Variants in WDR89 observed in about 807,000 individuals in gnomAD.
WDR89 encodes WD repeat domain 89.
WDR89 carries 17 observed loss-of-function variants against 29.1 expected under a neutral mutation model. The observed-to-expected ratio is 0.58, with a 90% CI of 0.40 to 0.88. WDR89 has a LOEUF of 0.88. Among genes scored for constraint, WDR89 ranks in the 40% least tolerant of loss-of-function variants. The pLI is 0.00. For synonymous variants in WDR89, 138 were observed against 157.8 expected (o/e 0.87, Z 0.94); for missense variants, 396 against 456.3 (o/e 0.87, Z 1.20).
chr14:63,621,474 T>C (rs1195109119), intron 2 of WDR89, among the ~76,000 whole-genome samples: 1 of 152,082 alleles, frequency 6.6e-6, no homozygotes, highest in African/African-American at 2.4e-5. Context: ...GGCAGGCACC[T>C]GTAATCCCAG....
chr14:63,609,514 C>CGTG (rs1881813488), intron 2 of WDR89, among the ~76,000 whole-genome samples: 1 of 152,078 alleles, frequency 6.6e-6, no homozygotes, highest in South Asian at 2.1e-4. Flanking sequence ...TATGGCCGGG[C>CGTG]GTGGTAGTTC....
chr14:63,627,659 C>A (rs931497399), intron 1 of WDR89, among the ~76,000 whole-genome samples: 1 of 152,164 alleles, frequency 6.6e-6, no homozygotes, highest in Non-Finnish European at 1.5e-5. Context: ...TGGTTAGAAT[C>A]ATAAAGCAAG....
At chr14:63,608,697 C>CACACACACAA (rs1461572018) in intron 2 of WDR89, among the ~76,000 whole-genome samples, 4 of 151,696 alleles carry the variant, frequency 2.6e-5, no homozygotes, top group African/African-American at 9.7e-5. Context: ...CACACACACA[C>CACACACACAA]AAATAGGTTT....
At chr14:63,634,500 C>T (rs371857171) in intron 1 of WDR89, among the ~76,000 whole-genome samples, 43 of 147,578 alleles carry the variant, frequency 2.9e-4, no homozygotes, top group African/African-American at 9.4e-4. Context: ...CCAGCCTGGG[C>T]GACAGAGCGA....
intron 1 of WDR89, among the ~76,000 whole-genome samples, chr14:63,632,300 T>C (rs764946945): frequency 6.6e-6 from 1 of 151,616 alleles, no homozygotes; most frequent in Non-Finnish European, 1.5e-5. Flanking sequence ...AGTACGGGAT[T>C]CTGTTATCAG....
intron 2 of WDR89, among the ~76,000 whole-genome samples, chr14:63,608,167 T>C (rs1464259433): frequency 2.6e-5 from 4 of 152,080 alleles, no homozygotes; most frequent in Admixed American, 6.6e-5. Context: ...GATTGTACCG[T>C]TGAACTCCAG....
intron 2 of WDR89, among the ~76,000 whole-genome samples, chr14:63,619,465 G>T (rs572450389): frequency 3.9e-5 from 6 of 152,020 alleles, no homozygotes; most frequent in Non-Finnish European, 7.4e-5. Flanking sequence ...AAGTTATCAA[G>T]AAATGAGGCA....
At chr14:63,630,395 C>A (rs1883318778) in intron 1 of WDR89, among the ~76,000 whole-genome samples, 1 of 151,104 alleles carries the variant, frequency 6.6e-6, no homozygotes, top group South Asian at 2.1e-4. Flanking sequence ...GTAATCACAG[C>A]ACTTTGGGAG....
Position 63,598,531 on chromosome 14 carries a change from C to T in WDR89, c.*248G>A. On this transcript the variant is annotated 3_prime_UTR_variant, in exon 3 of 3. Coordinates refer to ENST00000620954, the MANE Select transcript of WDR89 (RefSeq NM_080666.4). ...GCTATTTCTTTAAAGCCAACATTTA[C>T]TACATTAACAGATGGGTTCTTTAAA... 6.6e-6 allele frequency: 2 copies of T among 305,160 alleles called. No homozygotes were observed. Among genetic ancestry groups the T allele is most frequent in the Middle Eastern group, 9.5e-4 (1 of 1,050 alleles). The allele number at this position is 305,160 out of a possible 1,614,324, so 18.9% of individuals were successfully genotyped here.
At chr14:63,606,142 C>T (rs1161015948) in intron 2 of WDR89, among the ~76,000 whole-genome samples, 1 of 151,976 alleles carries the variant, frequency 6.6e-6, no homozygotes, top group African/African-American at 2.4e-5. Context: ...GAGACAGGGT[C>T]TCACTATTTT....
In WDR89 at chr14:63,616,719, G is replaced by A. The variant is rs1385407038; in HGVS notation, c.-32+8209C>T. On this transcript the variant is annotated intron_variant, in intron 2 of 2. Coordinates refer to ENST00000620954, the MANE Select transcript of WDR89 (RefSeq NM_080666.4). Reference sequence around the variant, plus strand: ...CTGGAGCCAGAGGAGAGCTCCATCGGTCATGGTAAGAACTTTGAATTTTAT... The same window carrying A: ...CTGGAGCCAGAGGAGAGCTCCATCGATCATGGTAAGAACTTTGAATTTTAT... Among the ~76,000 whole-genome samples, 4 of 152,340 alleles carry A rather than the reference G, an allele frequency of 2.6e-5. No individual in the cohort carries two copies. In the East Asian group the frequency reaches 7.7e-4, roughly 29 times the overall value.
chr14:63,612,771 C>T (rs899802431), intron 2 of WDR89, among the ~76,000 whole-genome samples: 2 of 152,194 alleles, frequency 1.3e-5, no homozygotes, highest in African/African-American at 4.8e-5. Context: ...AAAAATCTCT[C>T]GAAAGTAGTA....
chr14:63,629,826 T>C (rs10083535), intron 1 of WDR89, among the ~76,000 whole-genome samples: 1 of 152,136 alleles, frequency 6.6e-6, no homozygotes, highest in African/African-American at 2.4e-5. Context: ...ACATTCAGTG[T>C]GTTACAGGGA....
intron 1 of WDR89, among the ~76,000 whole-genome samples, chr14:63,639,701 A>C (rs79737222): frequency 0.047 from 7,172 of 152,272 alleles, 581 homozygotes; most frequent in African/African-American, 0.16. Flanking sequence ...AAATCACTGA[A>C]AATGTAGTTC....
At chr14:63,612,474 C>G (rs1163747240) in intron 2 of WDR89, among the ~76,000 whole-genome samples, 1 of 151,954 alleles carries the variant, frequency 6.6e-6, no homozygotes, top group African/African-American at 2.4e-5. Context: ...CTCCCGGGTT[C>G]AAGCGATTAT....
At chr14:63,627,158 TC>T (rs1883125116) in intron 1 of WDR89, among the ~76,000 whole-genome samples, 1 of 137,180 alleles carries the variant, frequency 7.3e-6, no homozygotes, top group Admixed American at 7.1e-5. Flanking sequence ...ACACTCTCTC[TC>T]TCTCTCTCTC....
chr14:63,602,836 T>C (rs1278810191), intron 2 of WDR89, among the ~76,000 whole-genome samples: 1 of 151,786 alleles, frequency 6.6e-6, no homozygotes, highest in Admixed American at 6.6e-5. Context: ...AGAATTTGGA[T>C]CTATCAGAGA....
intron 1 of WDR89, among the ~76,000 whole-genome samples, chr14:63,637,334 C>T (rs929529646): frequency 6.6e-6 from 1 of 152,182 alleles, no homozygotes; most frequent in African/African-American, 2.4e-5. Context: ...CTAGTGCAAC[C>T]ACTATGGAAA....
Position 63,599,476 on chromosome 14 carries a change from G to C in WDR89, c.467C>G (p.Ser156Cys), listed in dbSNP as rs764619523. The change falls in exon 3 of 3, where the codon TCT becomes TGT. Residue 156 changes from serine to cysteine, a missense_variant. Coordinates refer to ENST00000620954, the MANE Select transcript of WDR89 (RefSeq NM_080666.4). ...TGCACCAAGTGAGTCTTTAGTTGTA[G>C]ATAAATTCTGAGAATTCATCCTTGC... ...WDARMNSQNLSTTKDSLGAYS... is the reference protein window; with the variant it reads ...WDARMNSQNLCTTKDSLGAYS... The C allele has an allele frequency of 1.2e-6, 2 of 1,614,154 alleles. No homozygotes were observed. The highest frequency in any genetic ancestry group is 8.5e-7 in the Non-Finnish European group (1 of 1,180,038).
Sources: gnomAD v4.1 joint callset for allele counts (sites outside exome capture counted in the v4.1 genomes callset) on GRCh38, gnomAD v4.1.1 for gene constraint, MANE v1.5 for transcripts, NCBI Gene and HGNC (gene_info 2026-07-23, HGNC 2026-07-21) for gene names.